Variants in TMCO6 observed in about 807,000 individuals in gnomAD.
TMCO6 encodes the protein transmembrane and coiled-coil domains 6.
In TMCO6, 47 loss-of-function variants were observed where a neutral mutation model predicts 61.8. That is an observed-to-expected ratio of 0.76 (90% CI 0.60 to 0.97). The LOEUF is 0.97. Among genes scored for constraint, TMCO6 ranks in the 50% least tolerant of loss-of-function variants. The probability of loss-of-function intolerance (pLI) is 0.00; values close to 1 mark genes in which losing one functional copy is unlikely to be tolerated. For missense variants in TMCO6, 557 were observed against 601.6 expected (o/e 0.93, Z 0.78); for synonymous variants, 261 against 254.2 (o/e 1.03, Z -0.25).
downstream of TMCO6, among the ~76,000 whole-genome samples, chr5:140,646,371 A>C (rs899545991): frequency 2.6e-5 from 4 of 151,932 alleles, no homozygotes; most frequent in African/African-American, 9.7e-5. Flanking sequence ...CAATACACTA[A>C]AGTTACTCGT....
chr5:140,642,897 C>T, intron 6 of TMCO6, 28 bp from the exon 7 acceptor site: 1 of 1,614,106 alleles, frequency 6.2e-7, no homozygotes, highest in Non-Finnish European at 8.5e-7. Flanking sequence ...TTCGTGGTTC[C>T]TACTTACAGC....
At chr5:140,627,034 C>T in the TMCO6 span, among the ~76,000 whole-genome samples, 1 of 152,168 alleles carries the variant, frequency 6.6e-6, no homozygotes, top group Non-Finnish European at 1.5e-5. Context: ...CCCTATCCAA[C>T]TTAAAATAAT....
At chr5:140,604,276 T>C in the TMCO6 span, among the ~76,000 whole-genome samples, 1 of 151,884 alleles carries the variant, frequency 6.6e-6, no homozygotes, top group African/African-American at 2.4e-5. Flanking sequence ...GCTCCTGTAG[T>C]AACAGCACTC....
the TMCO6 span, chr5:140,631,883 C>G: frequency 0.1 from 165,150 of 1,577,210 alleles, 9,188 homozygotes; most frequent in Middle Eastern, 0.16. Flanking sequence ...CCCCTTGGAG[C>G]AGCACCAGGG....
the TMCO6 span, among the ~76,000 whole-genome samples, chr5:140,621,372 G>T: frequency 6.6e-6 from 1 of 152,314 alleles, no homozygotes; most frequent in South Asian, 2.1e-4. Flanking sequence ...TCTTATGCCT[G>T]TCTTTACTGC....
At chr5:140,596,582 T>C in the TMCO6 span, among the ~76,000 whole-genome samples, 1 of 152,206 alleles carries the variant, frequency 6.6e-6, no homozygotes. Context: ...TCTTTTTTGC[T>C]TGTAGTTCTC....
intron 9 of TMCO6, 22 bp downstream of exon 9, chr5:140,643,988 G>C: frequency 6.2e-7 from 1 of 1,613,912 alleles, no homozygotes; most frequent in South Asian, 1.1e-5. Flanking sequence ...AATCTGCCCA[G>C]GCCTGGACAT....
chr5:140,620,576 A>G, the TMCO6 span, among the ~76,000 whole-genome samples: 5 of 152,198 alleles, frequency 3.3e-5, no homozygotes, highest in African/African-American at 1.2e-4. Flanking sequence ...TAACAAATGT[A>G]CTACTCTGGT....
chr5:140,597,295 G>C, the TMCO6 span, among the ~76,000 whole-genome samples: 6 of 152,082 alleles, frequency 3.9e-5, no homozygotes, highest in Non-Finnish European at 8.8e-5. Flanking sequence ...TTATAATCTT[G>C]CCAATAATGG....
chr5:140,646,915 A>G, downstream of TMCO6: 1 of 216,554 alleles, frequency 4.6e-6, no homozygotes, highest in Non-Finnish European at 9.3e-6. Flanking sequence ...AAAATTACTG[A>G]GATTCTCACA....
the TMCO6 span, among the ~76,000 whole-genome samples, chr5:140,607,502 T>TATACATATGTACAAACA: frequency 1.3e-5 from 2 of 152,226 alleles, no homozygotes; most frequent in Admixed American, 1.3e-4. Flanking sequence ...GATATGAACA[T>TATACATATGTACAAACA]TTTGGTACAA....
Position 140,643,941 on chromosome 5 carries a change from C to T in TMCO6, c.1080C>T (p.Gly360=). The change falls in exon 9 of 12, where the codon GGC becomes GGT. Residue 360 remains glycine, a synonymous_variant. Coordinates refer to ENST00000394671, the MANE Select transcript of TMCO6 (RefSeq NM_018502.5). ...AACAGCCCAGTCTGCTCCCTGAGGGCCTTTGGCTCCTCAACAACCTCACTG... is the reference window on the plus strand; with the variant it reads ...AACAGCCCAGTCTGCTCCCTGAGGGTCTTTGGCTCCTCAACAACCTCACTG... ...FQKQPSLLPE[G]LWLLNNLTAN... The T allele has an allele frequency of 6.2e-7, 1 of 1,614,224 alleles. No individual in the cohort carries two copies. The highest frequency in any genetic ancestry group is 8.5e-7 in the Non-Finnish European group (1 of 1,180,040).
At chr5:140,639,134 A>G (rs964170257), upstream of TMCO6, 7 of 187,144 alleles carry the variant, frequency 3.7e-5, no homozygotes, top group Non-Finnish European at 5.7e-5. Context: ...CGCTTCCCGC[A>G]GTTCGGGATT....
At chr5:140,599,585 C>A in the TMCO6 span, among the ~76,000 whole-genome samples, 2 of 152,192 alleles carry the variant, frequency 1.3e-5, no homozygotes, top group African/African-American at 4.8e-5. Flanking sequence ...GTTTATAGGA[C>A]ACTCTCCAGG....
At chr5:140,618,586 A>G in the TMCO6 span, among the ~76,000 whole-genome samples, 2 of 152,010 alleles carry the variant, frequency 1.3e-5, no homozygotes, top group African/African-American at 2.4e-5. Context: ...ACATATTATT[A>G]CATCACCCAG....
chr5:140,619,508 G>A, the TMCO6 span, among the ~76,000 whole-genome samples: 2 of 152,074 alleles, frequency 1.3e-5, no homozygotes, highest in Non-Finnish European at 2.9e-5. Flanking sequence ...CCTTTCAGGT[G>A]CAATAAGATA....
the TMCO6 span, among the ~76,000 whole-genome samples, chr5:140,618,908 G>A: frequency 6.6e-6 from 1 of 152,012 alleles, no homozygotes; most frequent in Non-Finnish European, 1.5e-5. Flanking sequence ...GATGACCTAG[G>A]GTTTGGCAAT....
the TMCO6 span, among the ~76,000 whole-genome samples, chr5:140,620,688 C>T: frequency 1.3e-5 from 2 of 152,142 alleles, no homozygotes; most frequent in African/African-American, 4.8e-5. Context: ...TCTAAAACTG[C>T]TCTTTTTAAA....
At chr5:140,617,870 G>A in the TMCO6 span, among the ~76,000 whole-genome samples, 2 of 152,112 alleles carry the variant, frequency 1.3e-5, no homozygotes, top group Non-Finnish European at 2.9e-5. Flanking sequence ...CAATATTGGC[G>A]ATATTTGAAC....
Sources: allele counts gnomAD v4.1 joint callset (sites outside exome capture counted in the v4.1 genomes callset), GRCh38; gene constraint gnomAD v4.1.1; transcripts MANE v1.5; gene names NCBI Gene and HGNC (gene_info 2026-07-23, HGNC 2026-07-21).